MPPED1: variants seen among roughly 807,000 people sequenced by gnomAD.
MPPED1 encodes metallophosphoesterase domain-containing protein 1.
A neutral mutation model predicts 36.2 loss-of-function variants in MPPED1; 16 were observed. That is an observed-to-expected ratio of 0.44 (90% confidence interval 0.30 to 0.67). The LOEUF is 0.67. Among genes scored for constraint, MPPED1 ranks in the 30% least tolerant of loss-of-function variants. The pLI is 0.10. For synonymous variants in MPPED1, 199 were observed against 191.3 expected (o/e 1.04, Z -0.33); for missense variants, 307 against 453.4 (o/e 0.68, Z 2.93).
intron 3 of MPPED1, among the ~76,000 whole-genome samples, chr22:43,441,858 G>A (rs1930159449): frequency 6.6e-6 from 1 of 152,176 alleles, no homozygotes; most frequent in African/African-American, 2.4e-5. Flanking sequence ...AGGCTGCAGG[G>A]GGTTTGCCTG....
At chr22:43,431,040 T>TTTTTTTTTTTTTTTTTTTTTTTTTC (rs1929665385) in intron 2 of MPPED1, among the ~76,000 whole-genome samples, 1 of 93,324 alleles carries the variant, frequency 1.1e-5, no homozygotes, top group Non-Finnish European at 2.1e-5. Context: ...TTTTTTTTTT[T>TTTTTTTTTTTTTTTTTTTTTTTTTC]TTTTTTTTTT....
At chr22:43,477,402 G>A (rs62231998) in intron 4 of MPPED1, among the ~76,000 whole-genome samples, 1 of 152,222 alleles carries the variant, frequency 6.6e-6, no homozygotes, top group Non-Finnish European at 1.5e-5. Flanking sequence ...TCCAACCGGG[G>A]TGAGCAGATT....
intron 3 of MPPED1, among the ~76,000 whole-genome samples, chr22:43,460,064 G>A (rs995950487): frequency 3.3e-5 from 5 of 152,066 alleles, no homozygotes; most frequent in East Asian, 3.9e-4. Context: ...AAAATTAGCC[G>A]GGTGTGGTGG....
intron 2 of MPPED1, among the ~76,000 whole-genome samples, chr22:43,432,595 GGA>G (rs139964674): frequency 0.057 from 1,105 of 19,410 alleles, 279 homozygotes; most frequent in Non-Finnish European, 0.14. Flanking sequence ...GAAAGAGGGA[GGA>G]GAGAGAGAGG....
At chr22:43,454,401 C>T (rs946873341) in intron 3 of MPPED1, among the ~76,000 whole-genome samples, 2 of 152,128 alleles carry the variant, frequency 1.3e-5, no homozygotes, top group Non-Finnish European at 2.9e-5. Context: ...ATCTCCTGAG[C>T]TCAAGCAATC....
chr22:43,448,791 C>T (rs977088262), intron 3 of MPPED1, among the ~76,000 whole-genome samples: 9 of 151,976 alleles, frequency 5.9e-5, no homozygotes, highest in Admixed American at 2.0e-4. Context: ...TTAGTAGGGA[C>T]GGGGTTTCAC....
At chr22:43,472,908 C>T (rs554525065) in intron 3 of MPPED1, among the ~76,000 whole-genome samples, 42 of 152,304 alleles carry the variant, frequency 2.8e-4, no homozygotes, top group South Asian at 1.7e-3. Flanking sequence ...AGTTATAGGA[C>T]ATGTACTGCT....
intron 4 of MPPED1, among the ~76,000 whole-genome samples, chr22:43,490,561 G>A (rs1932050923): frequency 6.6e-6 from 1 of 152,214 alleles, no homozygotes; most frequent in African/African-American, 2.4e-5. Context: ...CAGGGTCTCT[G>A]ATATGTTTCC....
chr22:43,431,742 C>T lies in MPPED1; in HGVS notation c.225-3292C>T, dbSNP rs145095323. Among the ~76,000 whole-genome samples, 178 of 152,348 alleles carry T rather than the reference C, an allele frequency of 1.2e-3. 1 individual carries two copies. The Middle Eastern group carries it at 0.027, about 23-fold the overall frequency. On this transcript the variant is annotated intron_variant, in intron 2 of 6. Transcript: ENST00000443721. The stretch of plus-strand genomic sequence containing the variant: ...GCCACTGCCTGTAACGTGCCCAGCA[C>T]ATAATGAGCTCTTGATGCGTGGGGA...
At chr22:43,484,646 T>C (rs557680326) in intron 4 of MPPED1, among the ~76,000 whole-genome samples, 3 of 152,314 alleles carry the variant, frequency 2.0e-5, no homozygotes, top group African/African-American at 7.2e-5. Flanking sequence ...GCTGGGGTAT[T>C]GTGGAGACCT....
intron 3 of MPPED1, among the ~76,000 whole-genome samples, chr22:43,454,259 T>G (rs1457142707): frequency 6.6e-6 from 1 of 152,090 alleles, no homozygotes; most frequent in African/African-American, 2.4e-5. Flanking sequence ...TCCGCCCTCC[T>G]TGGCCTCCCA....
At chr22:43,488,621 T>A (rs1040360802) in intron 4 of MPPED1, among the ~76,000 whole-genome samples, 3 of 152,244 alleles carry the variant, frequency 2.0e-5, no homozygotes, top group Non-Finnish European at 4.4e-5. Context: ...CAGCGCTCTG[T>A]TAAAGTTTGA....
chr22:43,469,382 T>C (rs914708491), intron 3 of MPPED1, among the ~76,000 whole-genome samples: 2 of 152,194 alleles, frequency 1.3e-5, no homozygotes, highest in Non-Finnish European at 2.9e-5. Flanking sequence ...ACTCCCCTCA[T>C]TCACTGTTTA....
At chr22:43,419,786 G>A (rs1003097692) in intron 1 of MPPED1, among the ~76,000 whole-genome samples, 1 of 152,006 alleles carries the variant, frequency 6.6e-6, no homozygotes, top group East Asian at 1.9e-4. Context: ...TCCTGGAGTC[G>A]GACCTCTTTC....
At position 43,430,187 on chromosome 22, in the gene MPPED1, G is replaced by A. The variant is rs73426282; in HGVS notation, c.225-4847G>A. 4.0e-3 allele frequency among the ~76,000 whole-genome samples: 613 copies of A among 152,288 alleles called. 5 individuals are homozygous for A. Among genetic ancestry groups the A allele is most frequent in the African/African-American group, 0.014 (583 of 41,560 alleles). On this transcript the variant is annotated intron_variant, in intron 2 of 6. Coordinates refer to ENST00000443721, the MANE Select transcript of MPPED1 (RefSeq NM_001044370.2). ...AGCTGTCCCTGCCTGGACCTTCAGAGCACCCCATGTCTGCAGGAATAGGGT... is the reference window on the plus strand; with the variant it reads ...AGCTGTCCCTGCCTGGACCTTCAGAACACCCCATGTCTGCAGGAATAGGGT...
chr22:43,479,312 C>G (rs1455868913), intron 4 of MPPED1, among the ~76,000 whole-genome samples: 1 of 152,238 alleles, frequency 6.6e-6, no homozygotes, highest in Non-Finnish European at 1.5e-5. Context: ...CACAGTTAGA[C>G]CAGCAGGCAG....
At chr22:43,473,046 C>T (rs974894963) in intron 3 of MPPED1, among the ~76,000 whole-genome samples, 1 of 152,216 alleles carries the variant, frequency 6.6e-6, no homozygotes, top group Non-Finnish European at 1.5e-5. Flanking sequence ...TGCAAGCATC[C>T]GTTTCCAATA....
At chr22:43,457,316 A>G (rs992258721) in intron 3 of MPPED1, among the ~76,000 whole-genome samples, 66 of 152,294 alleles carry the variant, frequency 4.3e-4, no homozygotes, top group African/African-American at 1.6e-3. Flanking sequence ...TGATGCTGGT[A>G]TAGCGACTAC....
At position 43,460,274 on chromosome 22, in the gene MPPED1, CA is replaced by C. The variant is rs1317647321; in HGVS notation, c.407-14459del. Among the ~76,000 whole-genome samples, 7 of 143,370 alleles carry C rather than the reference CA, an allele frequency of 4.9e-5. 1 individual carries two copies. The highest frequency in any genetic ancestry group is 7.7e-5 in the Non-Finnish European group (5 of 65,298). 94.1% of individuals were successfully genotyped at this position (143,370 alleles called of 152,430 possible). A position where few individuals can be genotyped will look rare whatever the true frequency, so the allele number is the denominator to read the frequency against. Reference sequence around the variant, plus strand: ...AAAAACAAACCCAAACCCCCCCCCCCAAACCCAAAGCAAAACAAAACAAAAA... The same window carrying C: ...AAAAACAAACCCAAACCCCCCCCCCCAACCCAAAGCAAAACAAAACAAAAA... On this transcript the variant is annotated intron_variant, in intron 3 of 6. Transcript: ENST00000443721.
Sources: allele counts gnomAD v4.1 joint callset (sites outside exome capture counted in the v4.1 genomes callset), GRCh38; gene constraint gnomAD v4.1.1; transcripts MANE v1.5; gene names NCBI Gene and HGNC (gene_info 2026-07-23, HGNC 2026-07-21).